The following ART3 variants were observed in gnomAD, a reference collection of about 807,000 sequenced individuals.
ART3 encodes ecto-ADP-ribosyltransferase 3.
In ART3, 49 loss-of-function variants were observed where a neutral mutation model predicts 48.5. The observed-to-expected ratio is 1.01, with a 90% CI of 0.80 to 1.28. The LOEUF (loss-of-function observed/expected upper bound fraction) is 1.28, where lower values mean the gene tolerates loss of function less well. Ranked by LOEUF, ART3 falls within the 50% of genes most tolerant of loss-of-function variation. The pLI, the probability that ART3 is intolerant of heterozygous loss-of-function variation, is 0.00. For missense variants in ART3, 438 were observed against 454.3 expected, an observed-to-expected ratio of 0.96 and a Z score of 0.33; for synonymous variants, 145 against 157.2, an observed-to-expected ratio of 0.92 and a Z score of 0.58.
At chr4:76,090,692 T>G (rs949492190) in intron 3 of ART3, among the ~76,000 whole-genome samples, 1 of 152,210 alleles carries the variant, frequency 6.6e-6, no homozygotes, top group Admixed American at 6.5e-5. Context: ...AACCTAGTCC[T>G]GTCCTGTTCA....
intron 1 of ART3, among the ~76,000 whole-genome samples, chr4:76,061,357 G>A (rs1296964759): frequency 1.3e-5 from 2 of 152,108 alleles, no homozygotes; most frequent in Admixed American, 6.5e-5. Flanking sequence ...ACATCCCTAT[G>A]CTATATAATT....
chr4:76,109,585 G>T (rs574192062), intron 11 of ART3, among the ~76,000 whole-genome samples: 1 of 152,142 alleles, frequency 6.6e-6, no homozygotes, highest in East Asian at 1.9e-4. Flanking sequence ...ATATATAATT[G>T]TATGTGCTAT....
At chr4:76,054,880 A>T (rs571625006) in intron 1 of ART3, among the ~76,000 whole-genome samples, 102 of 152,340 alleles carry the variant, frequency 6.7e-4, no homozygotes, top group African/African-American at 2.3e-3. Flanking sequence ...AATTTTATAC[A>T]TTGTGCTGAA....
At chr4:76,026,335 A>C (rs780563812) in intron 1 of ART3, among the ~76,000 whole-genome samples, 10 of 152,144 alleles carry the variant, frequency 6.6e-5, no homozygotes, top group Non-Finnish European at 1.3e-4. Context: ...CTCCATGCTA[A>C]AATGTATGCC....
At chr4:76,061,424 C>T (rs1719202586) in intron 1 of ART3, among the ~76,000 whole-genome samples, 1 of 152,182 alleles carries the variant, frequency 6.6e-6, no homozygotes, top group African/African-American at 2.4e-5. Flanking sequence ...CAAGCTCCCA[C>T]CACTTCTCAC....
At chr4:76,023,378 G>A (rs1452920082) in intron 1 of ART3, 4 of 1,612,420 alleles carry the variant, frequency 2.5e-6, no homozygotes, top group African/African-American at 1.3e-5. Context: ...TACCTTGAAT[G>A]CCACTTAGAG....
intron 5 of ART3, chr4:76,099,193 T>A (rs1160289327): frequency 2.0e-6 from 1 of 509,510 alleles, no homozygotes; most frequent in Non-Finnish European, 3.6e-6. Flanking sequence ...TCCCAGCTAC[T>A]TGGGAGGCTG....
At chr4:76,011,767 G>A (rs1456269206) in intron 1 of ART3, among the ~76,000 whole-genome samples, 1 of 152,246 alleles carries the variant, frequency 6.6e-6, no homozygotes, top group African/African-American at 2.4e-5. Flanking sequence ...GCAGGCTGGG[G>A]CCGCTGCGCC....
At chr4:76,101,915 T>G (rs1272154583) in intron 8 of ART3, among the ~76,000 whole-genome samples, 1 of 152,260 alleles carries the variant, frequency 6.6e-6, no homozygotes, top group Non-Finnish European at 1.5e-5. Context: ...ATAACACTTT[T>G]GGATATTTGT....
At chr4:76,078,938 G>A (rs112729253) in intron 2 of ART3, among the ~76,000 whole-genome samples, 22 of 152,176 alleles carry the variant, frequency 1.4e-4, no homozygotes, top group African/African-American at 4.6e-4. Context: ...AAAATTAGCC[G>A]GGCGTGGTGG....
At chr4:76,056,706 A>G (rs953411818) in intron 1 of ART3, among the ~76,000 whole-genome samples, 3 of 152,140 alleles carry the variant, frequency 2.0e-5, no homozygotes, top group African/African-American at 7.2e-5. Context: ...GAGATTTAGA[A>G]TACCTTTCTC....
chr4:76,023,588 C>A, intron 1 of ART3: 2 of 582,844 alleles, frequency 3.4e-6, no homozygotes, highest in South Asian at 5.3e-5. Flanking sequence ...GTTGACTTAG[C>A]AAAACCTGCT....
intron 1 of ART3, chr4:76,021,701 T>C: frequency 1.8e-6 from 1 of 550,494 alleles, no homozygotes; most frequent in East Asian, 2.9e-5. Context: ...GCTTACATTA[T>C]AGTGCCAGGG....
intron 1 of ART3, among the ~76,000 whole-genome samples, chr4:76,035,589 T>C (rs1225548619): frequency 6.6e-6 from 1 of 152,230 alleles, no homozygotes; most frequent in Non-Finnish European, 1.5e-5. Flanking sequence ...GAAGCTTGTT[T>C]TGCCCCCTTG....
intron 7 of ART3, 62 bp from the exon 8 acceptor site, chr4:76,100,926 CTA>C (rs1727161348): frequency 1.2e-6 from 2 of 1,604,880 alleles, no homozygotes; most frequent in Non-Finnish European, 1.7e-6. Flanking sequence ...TTTGCTGTAG[CTA>C]TAGTAACTGC....
intron 2 of ART3, among the ~76,000 whole-genome samples, chr4:76,078,764 G>C (rs756682650): frequency 2.4e-4 from 36 of 152,190 alleles, no homozygotes; most frequent in Admixed American, 4.6e-4. Flanking sequence ...TGATTCTTTA[G>C]AGGCAACAGA....
intron 11 of ART3, among the ~76,000 whole-genome samples, chr4:76,109,283 G>A (rs923774761): frequency 6.6e-6 from 1 of 150,862 alleles, no homozygotes; most frequent in African/African-American, 2.4e-5. Context: ...TAACAACTAA[G>A]ACACAAACAT....
chr4:76,108,557 T>TAA lies in ART3; in HGVS notation c.1036+774_1036+775dup, dbSNP rs57985973. Among the ~76,000 whole-genome samples the TAA allele has an allele frequency of 4.3e-3, 637 of 147,316 alleles. 5 individuals carry two copies. The highest frequency in any genetic ancestry group is 0.015 in the African/African-American group (596 of 40,430). ...CCTCCACTCCACTGTTAGCAATGAT[T>TAA]AAAAAAAAAAACAAAAAACTCTTGA... On this transcript the variant is annotated intron_variant, in intron 11 of 11. Transcript: ENST00000355810.
At chr4:76,104,761 C>A in intron 10 of ART3, 132 bp downstream of exon 10, 1 of 1,143,066 alleles carries the variant, frequency 8.7e-7, no homozygotes. Flanking sequence ...GTCACATGTA[C>A]ATGACAGGAA....
Sources: allele counts gnomAD v4.1 joint callset (sites outside exome capture counted in the v4.1 genomes callset), GRCh38; gene constraint gnomAD v4.1.1; transcripts MANE v1.5; gene names NCBI Gene and HGNC (gene_info 2026-07-23, HGNC 2026-07-21).